The following STPG2 variants were observed in gnomAD, a reference collection of about 807,000 sequenced individuals.
STPG2 encodes sperm-tail PG-rich repeat-containing protein 2.
STPG2 carries 56 observed loss-of-function variants against 54.2 expected under a neutral mutation model. The ratio of observed to expected loss-of-function variants is 1.03; its 90% CI spans 0.83 to 1.29. STPG2 has a LOEUF of 1.29. Among genes scored for constraint, STPG2 ranks in the 50% most tolerant of loss-of-function variants. The pLI is 0.00. For missense variants in STPG2, 596 were observed against 544.9 expected (o/e 1.09, Z -0.93); for synonymous variants, 200 against 181.8 (o/e 1.10, Z -0.81).
At chr4:97,663,359 T>G (rs1373691330) in intron 10 of STPG2, among the ~76,000 whole-genome samples, 1 of 152,132 alleles carries the variant, frequency 6.6e-6, no homozygotes, top group Admixed American at 6.5e-5. Flanking sequence ...AAAAAACAAA[T>G]AATTACAGAT....
intron 5 of STPG2, among the ~76,000 whole-genome samples, chr4:98,081,285 C>A (rs1261716006): frequency 2.0e-5 from 3 of 152,080 alleles, no homozygotes; most frequent in African/African-American, 4.8e-5. Context: ...GTGTTGAGCC[C>A]TCCTCCTGAT....
At chr4:97,571,040 A>T (rs1236697230) in intron 10 of STPG2, among the ~76,000 whole-genome samples, 1 of 152,098 alleles carries the variant, frequency 6.6e-6, no homozygotes, top group Non-Finnish European at 1.5e-5. Context: ...TAAAATATTT[A>T]AAAATACATG....
intron 4 of STPG2, among the ~76,000 whole-genome samples, chr4:97,528,846 T>C (rs1209560142): frequency 6.6e-6 from 1 of 152,188 alleles, no homozygotes; most frequent in African/African-American, 2.4e-5. Context: ...TGCACATTGA[T>C]TGCTGAAGCT....
At chr4:98,009,424 T>A (rs1735672105) in intron 5 of STPG2, among the ~76,000 whole-genome samples, 1 of 152,118 alleles carries the variant, frequency 6.6e-6, no homozygotes, top group African/African-American at 2.4e-5. Context: ...TCTACTTTCA[T>A]ATCATTATGA....
chr4:97,456,575 A>G (rs1368784713), intron 4 of STPG2, among the ~76,000 whole-genome samples: 1 of 152,148 alleles, frequency 6.6e-6, no homozygotes, highest in Non-Finnish European at 1.5e-5. Context: ...AAATATACAA[A>G]GAAGTCTTAA....
At chr4:97,470,543 C>T (rs977447311) in intron 4 of STPG2, among the ~76,000 whole-genome samples, 4 of 151,852 alleles carry the variant, frequency 2.6e-5, no homozygotes, top group Non-Finnish European at 4.4e-5. Context: ...TGGATGATAC[C>T]AAACACTGTA....
intron 5 of STPG2, among the ~76,000 whole-genome samples, chr4:98,040,878 C>A (rs1736932415): frequency 6.6e-6 from 1 of 151,524 alleles, no homozygotes; most frequent in African/African-American, 2.4e-5. Context: ...GGTATTTTGA[C>A]AGGAATTGCA....
At chr4:98,015,973 C>T (rs1461257058) in intron 5 of STPG2, among the ~76,000 whole-genome samples, 3 of 152,116 alleles carry the variant, frequency 2.0e-5, no homozygotes, top group Admixed American at 6.5e-5. Context: ...AACCAAACAT[C>T]GCATGTTTTC....
At chr4:97,949,925 T>C (rs1336339534) in intron 7 of STPG2, among the ~76,000 whole-genome samples, 1 of 152,148 alleles carries the variant, frequency 6.6e-6, no homozygotes, top group Non-Finnish European at 1.5e-5. Flanking sequence ...CATGAGTTCT[T>C]TGACTTTCTT....
intron 5 of STPG2, among the ~76,000 whole-genome samples, chr4:98,031,598 T>C (rs936015416): frequency 6.6e-6 from 1 of 151,930 alleles, no homozygotes; most frequent in Non-Finnish European, 1.5e-5. Flanking sequence ...GGCAGCAGAA[T>C]CGCTTGAAAC....
chr4:97,780,472 A>G (rs1726562310), intron 9 of STPG2, among the ~76,000 whole-genome samples: 1 of 48,694 alleles, frequency 2.1e-5, no homozygotes, highest in East Asian at 4.5e-4. Context: ...ACTCCCACAC[A>G]ATAATAATGG....
chr4:97,787,617 A>T (rs1186550497), intron 9 of STPG2, among the ~76,000 whole-genome samples: 1 of 152,020 alleles, frequency 6.6e-6, no homozygotes, highest in East Asian at 1.9e-4. Flanking sequence ...TTTATTATTC[A>T]GGAAATGCTG....
In STPG2 at chr4:97,981,259, A is replaced by C. The variant is rs142056067; in HGVS notation, c.672T>G (p.Thr224=). 14 of 1,614,058 alleles carry C rather than the reference A, an allele frequency of 8.7e-6. No homozygotes were observed. In the African/African-American group the frequency reaches 1.9e-4, roughly 22 times the overall value. Residue 224 remains threonine (T), a synonymous_variant, in exon 6 of 11, where the codon ACT becomes ACG. Coordinates refer to ENST00000295268, the MANE Select transcript of STPG2 (RefSeq NM_174952.3). ...ATGTTTTCTTCAAAGACTTGAGAGC[A>C]GTTCGAGGTTCATTATATGTGCCAG... ...PAPGTYNEPR[T]ALKSLKKTSG...
chr4:98,017,572 T>A (rs574384487), intron 5 of STPG2, among the ~76,000 whole-genome samples: 1 of 152,230 alleles, frequency 6.6e-6, no homozygotes, highest in African/African-American at 2.4e-5. Context: ...CTTTAATGCA[T>A]CTTTTCTTAT....
At chr4:97,755,760 G>A (rs1456207) in intron 9 of STPG2, among the ~76,000 whole-genome samples, 36,459 of 152,076 alleles carry the variant, frequency 0.24, 5,131 homozygotes, top group Middle Eastern at 0.35. Context: ...TATTTTCTTA[G>A]AAGATGACCC....
At chr4:98,102,533 T>C (rs1037816944) in intron 5 of STPG2, among the ~76,000 whole-genome samples, 3 of 152,112 alleles carry the variant, frequency 2.0e-5, no homozygotes, top group African/African-American at 7.2e-5. Flanking sequence ...GATATTTCTG[T>C]TCCTCTTTAA....
intron 5 of STPG2, among the ~76,000 whole-genome samples, chr4:98,079,489 T>G (rs1027842006): frequency 1.1e-4 from 16 of 152,218 alleles, no homozygotes; most frequent in Non-Finnish European, 2.1e-4. Context: ...CAGTTTAATT[T>G]GAAAAGCAAA....
intron 5 of STPG2, among the ~76,000 whole-genome samples, chr4:98,070,296 G>C (rs1578830022): frequency 6.6e-6 from 1 of 151,838 alleles, no homozygotes; most frequent in Non-Finnish European, 1.5e-5. Flanking sequence ...ACACAGAAAG[G>C]GCCTTCAATA....
chr4:97,627,860 C>CAA (rs10692653), intron 10 of STPG2, among the ~76,000 whole-genome samples: 38 of 151,980 alleles, frequency 2.5e-4, no homozygotes, highest in African/African-American at 8.7e-4. Context: ...TTCTGAGAAA[C>CAA]GGGGCTGATG....
Sources: allele counts gnomAD v4.1 joint callset (sites outside exome capture counted in the v4.1 genomes callset), GRCh38; gene constraint gnomAD v4.1.1; transcripts MANE v1.5; gene names NCBI Gene and HGNC (gene_info 2026-07-23, HGNC 2026-07-21).